The following DDHD1 variants were observed in gnomAD, a reference collection of about 807,000 sequenced individuals.
The protein encoded by DDHD1 is phospholipase DDHD1.
In DDHD1, 49 loss-of-function variants were observed where a neutral mutation model predicts 96.4. That is an observed-to-expected ratio of 0.51 (90% CI 0.40 to 0.64). The LOEUF (loss-of-function observed/expected upper bound fraction) is 0.64. Ranked by LOEUF, DDHD1 falls within the 30% of genes least tolerant of loss-of-function variation. The probability of loss-of-function intolerance (pLI) is 0.00; values close to 1 mark genes in which losing one functional copy is unlikely to be tolerated. For missense variants in DDHD1, 1,106 were observed against 1,161.2 expected, an observed-to-expected ratio of 0.95 and a Z score of 0.69; for synonymous variants, 442 against 446.5, an observed-to-expected ratio of 0.99 and a Z score of 0.13.
At chr14:53,137,094 AC>A (rs1387441847) in intron 1 of DDHD1, among the ~76,000 whole-genome samples, 1 of 152,208 alleles carries the variant, frequency 6.6e-6, no homozygotes, top group Non-Finnish European at 1.5e-5. Context: ...ACAAAAAAAT[AC>A]CTAAAATGAA....
chr14:53,150,695 GA>G (rs1000723217), intron 1 of DDHD1, among the ~76,000 whole-genome samples: 9 of 150,876 alleles, frequency 6.0e-5, no homozygotes, highest in Non-Finnish European at 1.3e-4. Flanking sequence ...CTATCTTCAG[GA>G]AAAAAAATCT....
intron 4 of DDHD1, among the ~76,000 whole-genome samples, chr14:53,080,676 A>T (rs564344637): frequency 1.7e-4 from 25 of 151,012 alleles, no homozygotes; most frequent in African/African-American, 5.8e-4. Context: ...CCTTTAAAAA[A>T]ATCCCTAATA....
chr14:53,072,729 G>A, intron 5 of DDHD1, 26 bp from the exon 6 acceptor site: 1 of 1,521,628 alleles, frequency 6.6e-7, no homozygotes, highest in Admixed American at 1.8e-5. Flanking sequence ...AAAAAAGCAA[G>A]TTAACTTATA....
At position 53,076,877 on chromosome 14, in the gene DDHD1, C is replaced by T. The variant is rs150432014; in HGVS notation, c.1290-3030G>A. Among the ~76,000 whole-genome samples the T allele has an allele frequency of 3.5e-3, 540 of 152,232 alleles. 4 individuals are homozygous for T. Among genetic ancestry groups the T allele is most frequent in the African/African-American group, 0.012 (485 of 41,536 alleles). On this transcript the variant is annotated intron_variant, in intron 4 of 12. Coordinates refer to ENST00000673822, the MANE Select transcript of DDHD1 (RefSeq NM_001160148.2). ...GCATTTTAAAATTAAGATATGTACA[C>T]GATTTTTAAAGACATTATGCTATCA... is the stretch of plus-strand genomic sequence containing the variant.
At chr14:53,085,039 T>A (rs369092729) in intron 4 of DDHD1, among the ~76,000 whole-genome samples, 15 of 152,202 alleles carry the variant, frequency 9.9e-5, no homozygotes, top group East Asian at 7.7e-4. Context: ...CAGTATGAGA[T>A]CAAACTGCTA....
intron 6 of DDHD1, among the ~76,000 whole-genome samples, chr14:53,067,613 A>G (rs1237630784): frequency 6.6e-6 from 1 of 151,938 alleles, no homozygotes; most frequent in Non-Finnish European, 1.5e-5. Context: ...GTGTGCCACC[A>G]CGCCCAGCTA....
intron 1 of DDHD1, among the ~76,000 whole-genome samples, chr14:53,105,505 T>C (rs1398694149): frequency 1.3e-5 from 2 of 152,220 alleles, no homozygotes; most frequent in African/African-American, 4.8e-5. Context: ...AAAAATATTA[T>C]AACTTCATTG....
intron 1 of DDHD1, among the ~76,000 whole-genome samples, chr14:53,142,955 G>A (rs188606038): frequency 8.2e-4 from 125 of 152,330 alleles, no homozygotes; most frequent in East Asian, 1.2e-3. Context: ...AATGTCAAGC[G>A]GGTTGGAAAT....
chr14:53,042,100 T>C lies in DDHD1; in HGVS notation c.*4668A>G, dbSNP rs1300889318. On this transcript the variant is annotated 3_prime_UTR_variant, in exon 13 of 13. Coordinates refer to ENST00000673822, the MANE Select transcript of DDHD1 (RefSeq NM_001160148.2). ...AAGGAATCACATGAGGAGGTGAAAC[T>C]GTAAAACGAAGGAATTAAATGTGAT... is the stretch of plus-strand genomic sequence containing the variant. 6.6e-6 allele frequency: 1 copy of C among 152,154 alleles called. No homozygotes were observed. Among genetic ancestry groups the C allele is most frequent in the Non-Finnish European group, 1.5e-5 (1 of 68,030 alleles). The allele number at this position is 152,154 out of a possible 1,614,324, so 9.4% of individuals were successfully genotyped here. A position where few individuals can be genotyped will look rare whatever the true frequency, so the allele number is the denominator to read the frequency against.
chr14:53,117,295 G>C (rs1324938680), intron 1 of DDHD1, among the ~76,000 whole-genome samples: 1 of 152,164 alleles, frequency 6.6e-6, no homozygotes, highest in Non-Finnish European at 1.5e-5. Flanking sequence ...GGACTGGTTG[G>C]ACAGTGGGTG....
chr14:53,094,770 G>A (rs1474448977), intron 2 of DDHD1, among the ~76,000 whole-genome samples: 1 of 151,962 alleles, frequency 6.6e-6, no homozygotes, highest in East Asian at 1.9e-4. Flanking sequence ...CTTAAGCCCA[G>A]GAGGTCAAGC....
chr14:53,119,981 G>T (rs1175310274), intron 1 of DDHD1, among the ~76,000 whole-genome samples: 1 of 152,050 alleles, frequency 6.6e-6, no homozygotes, highest in Non-Finnish European at 1.5e-5. Flanking sequence ...AGAAATAAAG[G>T]GTATTCAAAT....
At chr14:53,089,243 A>G (rs1238131837) in intron 4 of DDHD1, among the ~76,000 whole-genome samples, 1 of 152,128 alleles carries the variant, frequency 6.6e-6, no homozygotes, top group Non-Finnish European at 1.5e-5. Flanking sequence ...TAATGCCAAA[A>G]GTAATTTATA....
At chr14:53,059,494 C>T (rs912035316) in intron 8 of DDHD1, among the ~76,000 whole-genome samples, 8 of 151,492 alleles carry the variant, frequency 5.3e-5, no homozygotes, top group African/African-American at 1.7e-4. Context: ...ATCCGCCCAC[C>T]TTAGCCTCCC....
chr14:53,152,534 G>C lies in DDHD1; in HGVS notation c.565C>G (p.Arg189Gly), dbSNP rs1595287243. The change falls in exon 1 of 13, where the codon CGC becomes GGC. Residue 189 changes from arginine (R) to glycine (G), a missense_variant. Transcript: ENST00000673822. ...AGGGTCCGGAAGGCGAGCTCGATGC[G>C]GAGCGAGTCGTAGCCGATGAAGGGC... Reference protein sequence around the residue: ...WKPFIGYDSLRIELAFRTLLQ... With the variant: ...WKPFIGYDSLGIELAFRTLLQ... The C allele has an allele frequency of 6.2e-7, 1 of 1,613,496 alleles. No homozygotes were observed. Among genetic ancestry groups the C allele is most frequent in the Non-Finnish European group, 8.5e-7 (1 of 1,179,926 alleles).
chr14:53,069,951 A>G (rs542869124), intron 6 of DDHD1, among the ~76,000 whole-genome samples: 51 of 152,312 alleles, frequency 3.3e-4, no homozygotes, highest in African/African-American at 1.1e-3. Context: ...CCCATTTATC[A>G]TAGCCATTGG....
chr14:53,151,814 A>G lies in DDHD1; in HGVS notation c.838+447T>C, dbSNP rs76048168. On this transcript the variant is annotated intron_variant, in intron 1 of 12. Coordinates refer to ENST00000673822, the MANE Select transcript of DDHD1 (RefSeq NM_001160148.2). ...GGATTCTTTTACTTTTCCTGAACCC[A>G]TAACTAAGCTGTTGATTCTCGAGCA... is the stretch of plus-strand genomic sequence containing the variant. Among the ~76,000 whole-genome samples, 629 of 152,286 alleles carry G rather than the reference A, an allele frequency of 4.1e-3. 3 individuals are homozygous for G. Among genetic ancestry groups the G allele is most frequent in the Non-Finnish European group, 6.1e-3 (417 of 68,022 alleles).
Position 53,126,232 on chromosome 14 carries a change from T to C in DDHD1, c.839-22376A>G, listed in dbSNP as rs142083523. Among the ~76,000 whole-genome samples the C allele has an allele frequency of 4.7e-4, 72 of 152,350 alleles. 1 individual carries two copies. In the South Asian group the frequency reaches 0.013, roughly 28 times the overall value. On this transcript the variant is annotated intron_variant, in intron 1 of 12. Coordinates refer to ENST00000673822, the MANE Select transcript of DDHD1 (RefSeq NM_001160148.2). ...TGTATACATATTTACAAATTATGTA[T>C]ATATATTATTGTTCTAAAATGTTTG...
intron 6 of DDHD1, among the ~76,000 whole-genome samples, chr14:53,067,459 C>CTTT (rs774228803): frequency 7.4e-6 from 1 of 134,714 alleles, no homozygotes; most frequent in Non-Finnish European, 1.6e-5. Flanking sequence ...TGTCTAGCCT[C>CTTT]TTTTTTTTTT....
Sources: gnomAD v4.1 joint callset for allele counts (sites outside exome capture counted in the v4.1 genomes callset) on GRCh38, gnomAD v4.1.1 for gene constraint, MANE v1.5 for transcripts, NCBI Gene and HGNC (gene_info 2026-07-23, HGNC 2026-07-21) for gene names.